The following PTK2B variants were observed in gnomAD, a reference collection of about 807,000 sequenced individuals.
PTK2B encodes protein-tyrosine kinase 2-beta.
A neutral mutation model predicts 142.9 loss-of-function variants in PTK2B; 71 were observed. The observed-to-expected ratio is 0.50, with a 90% confidence interval of 0.41 to 0.61. The LOEUF (loss-of-function observed/expected upper bound fraction) is 0.61, where lower values mean the gene tolerates loss of function less well. Among genes scored for constraint, PTK2B ranks in the 20% least tolerant of loss-of-function variants. The pLI, the probability that PTK2B is intolerant of heterozygous loss-of-function variation, is 0.00. For missense variants in PTK2B, 1,105 were observed against 1,320.4 expected (o/e 0.84, Z 2.53); for synonymous variants, 519 against 503.4 (o/e 1.03, Z -0.42).
chr8:27,434,771 G>C (rs531719328), intron 13 of PTK2B, among the ~76,000 whole-genome samples: 2 of 152,280 alleles, frequency 1.3e-5, no homozygotes, highest in Admixed American at 6.5e-5. Context: ...GGAGGCCAAA[G>C]TGGATGGATC....
At chr8:27,356,291 T>C (rs975776526) in intron 1 of PTK2B, among the ~76,000 whole-genome samples, 14 of 152,180 alleles carry the variant, frequency 9.2e-5, no homozygotes, top group Admixed American at 2.6e-4. Flanking sequence ...ACTGACCGTA[T>C]TGGGCCCTGG....
chr8:27,432,195 G>A (rs944409112), intron 9 of PTK2B, 65 bp from the exon 10 acceptor site: 22 of 1,490,660 alleles, frequency 1.5e-5, no homozygotes, highest in Non-Finnish European at 1.6e-5. Flanking sequence ...CCCCCATACT[G>A]ACCAATCTGC....
intron 22 of PTK2B, 115 bp downstream of exon 22, chr8:27,443,098 C>A: frequency 1.5e-6 from 1 of 662,042 alleles, no homozygotes; most frequent in South Asian, 1.8e-5. Context: ...CTTTCTCAGT[C>A]CTTCACCCAG....
chr8:27,338,732 A>G (rs181254692), intron 1 of PTK2B, among the ~76,000 whole-genome samples: 237 of 152,316 alleles, frequency 1.6e-3, no homozygotes, highest in African/African-American at 5.5e-3. Context: ...TGAGAAAGCA[A>G]CCCATAACAT....
intron 1 of PTK2B, among the ~76,000 whole-genome samples, chr8:27,336,834 CTTAT>C (rs1399090871): frequency 6.6e-6 from 1 of 152,020 alleles, no homozygotes; most frequent in Non-Finnish European, 1.5e-5. Flanking sequence ...AGTTTATTTA[CTTAT>C]TTATTTTTTA....
At chr8:27,417,870 C>G (rs1161133006) in intron 2 of PTK2B, among the ~76,000 whole-genome samples, 1 of 152,026 alleles carries the variant, frequency 6.6e-6, no homozygotes, top group African/African-American at 2.4e-5. Context: ...GGTGGGGGCT[C>G]CAGGAGGGAC....
At position 27,372,937 on chromosome 8, in the gene PTK2B, A is replaced by G. The variant is rs570660290; in HGVS notation, c.-37-24611A>G. On this transcript the variant is annotated intron_variant, in intron 1 of 30. Coordinates refer to ENST00000346049, the MANE Select transcript of PTK2B (RefSeq NM_173176.3). ...TAAATTTCCACATAGACATTTCCAAAGTCTATGTGGCCACTTCAAGTCTTC... is the reference window on the plus strand; with the variant it reads ...TAAATTTCCACATAGACATTTCCAAGGTCTATGTGGCCACTTCAAGTCTTC... 2.6e-5 allele frequency among the ~76,000 whole-genome samples: 4 copies of G among 152,216 alleles called. No individual in the cohort carries two copies. The East Asian group carries it at 7.7e-4, about 29-fold the overall frequency.
At chr8:27,310,951 G>A (rs772530568), upstream of PTK2B, 11 of 1,612,556 alleles carry the variant, frequency 6.8e-6, no homozygotes, top group Non-Finnish European at 7.6e-6. Flanking sequence ...GCGAGAAGCG[G>A]TAGCTGGTCC....
chr8:27,414,403 C>T (rs1809255203), intron 2 of PTK2B, among the ~76,000 whole-genome samples: 1 of 152,136 alleles, frequency 6.6e-6, no homozygotes, highest in East Asian at 1.9e-4. Flanking sequence ...CACCACCACA[C>T]CCGGCTAATT....
At chr8:27,423,855 C>T (rs1809911720) in intron 5 of PTK2B, among the ~76,000 whole-genome samples, 1 of 152,146 alleles carries the variant, frequency 6.6e-6, no homozygotes, top group South Asian at 2.1e-4. Flanking sequence ...GAGGGCTTCA[C>T]ATTTCGTGAC....
chr8:27,330,236 T>C (rs1469200406), intron 1 of PTK2B, among the ~76,000 whole-genome samples: 2 of 152,246 alleles, frequency 1.3e-5, no homozygotes, highest in Non-Finnish European at 2.9e-5. Flanking sequence ...ATTAGGCAGA[T>C]GATATGCATC....
intron 2 of PTK2B, among the ~76,000 whole-genome samples, chr8:27,407,357 AC>A (rs2131592322): frequency 6.6e-6 from 1 of 151,860 alleles, no homozygotes; most frequent in African/African-American, 2.4e-5. Flanking sequence ...GGAACATAAA[AC>A]CCTTCATGAT....
intron 16 of PTK2B, 25 bp downstream of exon 16, chr8:27,437,231 G>A: frequency 6.3e-7 from 1 of 1,598,552 alleles, no homozygotes; most frequent in Non-Finnish European, 8.6e-7. Context: ...GACCAACCAG[G>A]CCTCCAAGAT....
intron 1 of PTK2B, among the ~76,000 whole-genome samples, chr8:27,331,255 C>T (rs766391714): frequency 3.9e-5 from 6 of 152,260 alleles, no homozygotes; most frequent in South Asian, 4.1e-4. Context: ...GAGGGCCTTG[C>T]ACCTGATTCT....
Position 27,453,152 on chromosome 8 carries a change from G to T in PTK2B, c.2587G>T (p.Gly863Cys). Residue 863 changes from glycine (G) to cysteine (C), a missense_variant, in exon 28 of 31, where the codon GGC becomes TGC. By Grantham distance (159) the Gly-to-Cys change is radical. Transcript: ENST00000346049. Reference sequence around the variant, plus strand: ...GCCCCCACAGAAGCCCCCGAGGCTGGGCGCACAGGTATGTGTTGGCTCTGC... The same window carrying T: ...GCCCCCACAGAAGCCCCCGAGGCTGTGCGCACAGGTATGTGTTGGCTCTGC... ...TGPPQKPPRLGAQSIQPTANL... is the reference protein window; with the variant it reads ...TGPPQKPPRLCAQSIQPTANL... 1 of 1,614,166 alleles carries T rather than the reference G, an allele frequency of 6.2e-7. No individual in the cohort carries two copies. The highest frequency in any genetic ancestry group is 8.5e-7 in the Non-Finnish European group (1 of 1,180,028).
intron 2 of PTK2B, among the ~76,000 whole-genome samples, chr8:27,419,357 A>G (rs1809601811): frequency 6.6e-6 from 1 of 152,192 alleles, no homozygotes; most frequent in African/African-American, 2.4e-5. Context: ...AGAAATCCTC[A>G]GTCTAGTGTC....
intron 2 of PTK2B, among the ~76,000 whole-genome samples, chr8:27,418,765 C>T (rs1162168857): frequency 6.6e-6 from 1 of 151,988 alleles, no homozygotes; most frequent in East Asian, 1.9e-4. Context: ...CGGTGGCTCA[C>T]GCCTGTAATC....
At chr8:27,314,626 G>C (rs1034791836) in intron 3 of PTK2B, among the ~76,000 whole-genome samples, 3 of 152,230 alleles carry the variant, frequency 2.0e-5, no homozygotes, top group Non-Finnish European at 4.4e-5. Context: ...AACCAATGGA[G>C]TCCTCCAGAG....
chr8:27,427,389 G>A (rs1050765646), intron 5 of PTK2B, among the ~76,000 whole-genome samples: 5 of 152,096 alleles, frequency 3.3e-5, no homozygotes, highest in Admixed American at 1.3e-4. Context: ...ACATGTCCCC[G>A]TGCACCAGAT....
Sources: allele counts gnomAD v4.1 joint callset (sites outside exome capture counted in the v4.1 genomes callset), GRCh38; gene constraint gnomAD v4.1.1; transcripts MANE v1.5; gene names NCBI Gene and HGNC (gene_info 2026-07-23, HGNC 2026-07-21).